The following RUSC2 variants were observed in gnomAD, a reference collection of about 807,000 sequenced individuals.
RUSC2 encodes AP-4 complex accessory subunit RUSC2.
In RUSC2, 34 loss-of-function variants were observed where a neutral mutation model predicts 122.2. That is an observed-to-expected ratio of 0.28 (90% CI 0.21 to 0.37). The LOEUF (loss-of-function observed/expected upper bound fraction) is 0.37. Ranked by LOEUF, RUSC2 falls within the 10% of genes least tolerant of loss-of-function variation. The probability of loss-of-function intolerance (pLI) is 1.00; values close to 1 mark genes in which losing one functional copy is unlikely to be tolerated. For missense variants in RUSC2, 1,747 were observed against 1,952.4 expected (o/e 0.89, Z 1.98); for synonymous variants, 784 against 790.0 (o/e 0.99, Z 0.13).
intron 2 of RUSC2, among the ~76,000 whole-genome samples, chr9:35,552,317 C>A (rs560592701): frequency 6.6e-6 from 1 of 152,124 alleles, no homozygotes; most frequent in African/African-American, 2.4e-5. Context: ...GCTGAGATCA[C>A]GCCACTGCAC....
At chr9:35,532,381 C>T (rs191471144) in intron 1 of RUSC2, among the ~76,000 whole-genome samples, 115 of 152,186 alleles carry the variant, frequency 7.6e-4, no homozygotes, top group Admixed American at 2.2e-3. Flanking sequence ...TAAATATGGG[C>T]CAGGTATTGT....
chr9:35,504,326 G>A (rs770044983), intron 1 of RUSC2, among the ~76,000 whole-genome samples: 1 of 152,016 alleles, frequency 6.6e-6, no homozygotes, highest in Admixed American at 6.6e-5. Context: ...TCTGATAATT[G>A]GTAGCCAAAA....
chr9:35,552,124 G>A lies in RUSC2; in HGVS notation c.2015-2936G>A, dbSNP rs145178546. 1.2e-4 allele frequency among the ~76,000 whole-genome samples: 19 copies of A among 152,324 alleles called. No homozygotes were observed. The East Asian group carries it at 3.7e-3, about 29-fold the overall frequency. Reference sequence around the variant, plus strand: ...GCCTGTAATCCCAGCACTTTGGGAGGCTGAGGTGGGGAAATCATTTGAGGC... The same window carrying A: ...GCCTGTAATCCCAGCACTTTGGGAGACTGAGGTGGGGAAATCATTTGAGGC... On this transcript the variant is annotated intron_variant, in intron 2 of 11. Coordinates refer to ENST00000361226, the MANE Select transcript of RUSC2 (RefSeq NM_014806.5).
At chr9:35,551,341 A>G (rs1821890516) in intron 2 of RUSC2, among the ~76,000 whole-genome samples, 1 of 152,186 alleles carries the variant, frequency 6.6e-6, no homozygotes, top group Non-Finnish European at 1.5e-5. Flanking sequence ...TTAAAACCAT[A>G]AATAATATCT....
intron 2 of RUSC2, chr9:35,549,292 A>AT: frequency 3.3e-6 from 2 of 606,622 alleles, no homozygotes; most frequent in East Asian, 1.9e-4. Flanking sequence ...GCGTCAGTGA[A>AT]GTTTTTTTTT....
At chr9:35,534,742 C>G (rs1459432343) in intron 1 of RUSC2, among the ~76,000 whole-genome samples, 3 of 152,170 alleles carry the variant, frequency 2.0e-5, no homozygotes, top group Non-Finnish European at 2.9e-5. Flanking sequence ...CTTGGCCTCC[C>G]AAAGCTCTGG....
chr9:35,491,806 G>A (rs1465157947), intron 1 of RUSC2, among the ~76,000 whole-genome samples: 1 of 152,094 alleles, frequency 6.6e-6, no homozygotes. Flanking sequence ...AAAAATTACC[G>A]GGCATGGTGG....
intron 1 of RUSC2, among the ~76,000 whole-genome samples, chr9:35,494,651 G>A (rs940421305): frequency 1.4e-4 from 21 of 151,796 alleles, no homozygotes; most frequent in African/African-American, 4.4e-4. Flanking sequence ...GTTGTTTGTC[G>A]TTGAGTTGTA....
intron 1 of RUSC2, among the ~76,000 whole-genome samples, chr9:35,495,634 A>G (rs1820695477): frequency 6.6e-6 from 1 of 151,958 alleles, no homozygotes; most frequent in Non-Finnish European, 1.5e-5. Context: ...CTTTTTCAAG[A>G]TTGTTTTGGT....
At chr9:35,513,549 T>C (rs989822926) in intron 1 of RUSC2, among the ~76,000 whole-genome samples, 5 of 151,598 alleles carry the variant, frequency 3.3e-5, no homozygotes, top group African/African-American at 9.7e-5. Context: ...AACCTGAGAG[T>C]TGTACTTTGT....
rs1301463798 is a variant in RUSC2 at position 35,557,176 on chromosome 9, T to A, written c.2983+728T>A. ...TAAGTGACCACTGAACTAAGAACAT[T>A]TTTAGGGAGATGGAGAGAACTGAGC... On this transcript the variant is annotated intron_variant, in intron 5 of 11. Transcript: ENST00000361226. The surrounding 1 kb of genome is among the most constrained non-coding windows in gnomAD (Gnocchi z 4.6). 6.6e-6 allele frequency among the ~76,000 whole-genome samples: 1 copy of A among 151,882 alleles called. No homozygotes were observed. Among genetic ancestry groups the A allele is most frequent in the East Asian group, 1.9e-4 (1 of 5,182 alleles).
Position 35,555,923 on chromosome 9 carries a change from G to C in RUSC2, c.2657-29G>C. ...GTCTCGCTGTCTCCTGCCAACTCTT[G>C]TCTTTCTGCTAATCTGTTCTGCTTC... On this transcript the variant is annotated intron_variant, in intron 3 of 11. Transcript: ENST00000361226. The surrounding 1 kb of genome is among the most constrained non-coding windows in gnomAD (Gnocchi z 4.6). 1 of 1,603,860 alleles carries C rather than the reference G, an allele frequency of 6.2e-7. No homozygotes were observed. The highest frequency in any genetic ancestry group is 8.5e-7 in the Non-Finnish European group (1 of 1,173,112).
intron 1 of RUSC2, among the ~76,000 whole-genome samples, chr9:35,544,607 C>T (rs1405875691): frequency 1.3e-5 from 2 of 151,936 alleles, no homozygotes; most frequent in South Asian, 2.1e-4. Flanking sequence ...TGCCCAGCCT[C>T]GTATGTCTTT....
At chr9:35,535,478 G>A (rs546925705) in intron 1 of RUSC2, among the ~76,000 whole-genome samples, 33 of 145,546 alleles carry the variant, frequency 2.3e-4, no homozygotes, top group Non-Finnish European at 4.7e-4. Context: ...TCTCTTTCAA[G>A]CCTATTGAGT....
At position 35,558,525 on chromosome 9, in the gene RUSC2, G is replaced by A. The variant is rs767624346; in HGVS notation, c.3299G>A (p.Ser1100Asn). The change falls in exon 8 of 12, where the codon AGT (serine) becomes AAT (asparagine). Residue 1100 changes from serine to asparagine, a missense_variant. Physicochemically the swap from Ser to Asn is conservative, Grantham distance 46. Coordinates refer to ENST00000361226, the MANE Select transcript of RUSC2 (RefSeq NM_014806.5). This position sits in a 1 kb window ranked among gnomAD's most constrained non-coding sequence, Gnocchi z 4.3. ...NKVSQFPELT[S>N]HTMRFNAFIL... The stretch of plus-strand genomic sequence containing the variant: ...GTCAGCCAATTCCCAGAGCTCACCA[G>A]TCATACCATGCGCTTCAACGCCTTC... The A allele has an allele frequency of 1.9e-6, 3 of 1,614,186 alleles. No homozygotes were observed. In the East Asian group the frequency reaches 6.7e-5, roughly 36 times the overall value.
intron 1 of RUSC2, among the ~76,000 whole-genome samples, chr9:35,497,481 C>T (rs1344289070): frequency 1.3e-5 from 2 of 152,124 alleles, no homozygotes; most frequent in African/African-American, 2.4e-5. Context: ...ATAAGAACAT[C>T]ACAATTATGT....
Position 35,555,547 on chromosome 9 carries a change from G to A in RUSC2, c.2502G>A (p.Gln834=). Residue 834 remains glutamine, a synonymous_variant, in exon 3 of 12, where the codon CAG becomes CAA. Transcript: ENST00000361226. The surrounding 1 kb of genome is among the most constrained non-coding windows in gnomAD (Gnocchi z 4.6). ...AVRPATSQQP[Q]KEDQKILTLT... is the part of the protein sequence containing the mutation. ...GGCCTGCCACCTCCCAGCAGCCGCA[G>A]AAGGAGGATCAGAAGATACTGACCT... The A allele has an allele frequency of 6.2e-7, 1 of 1,614,144 alleles. No homozygotes were observed. Among genetic ancestry groups the A allele is most frequent in the East Asian group, 2.2e-5 (1 of 44,884 alleles).
intron 1 of RUSC2, among the ~76,000 whole-genome samples, chr9:35,527,760 G>T (rs1293667767): frequency 6.6e-6 from 1 of 152,076 alleles, no homozygotes; most frequent in East Asian, 1.9e-4. Flanking sequence ...GAATTTTGTT[G>T]ACTTAGATTG....
intron 1 of RUSC2, among the ~76,000 whole-genome samples, chr9:35,523,741 G>A (rs1444611368): frequency 2.6e-5 from 4 of 152,000 alleles, no homozygotes; most frequent in Non-Finnish European, 5.9e-5. Context: ...CTTGAGTCCA[G>A]GAAGTGGAGG....
Sources: allele counts gnomAD v4.1 joint callset (sites outside exome capture counted in the v4.1 genomes callset), GRCh38; gene constraint gnomAD v4.1.1; non-coding constraint Gnocchi (gnomAD v3.1); transcripts MANE v1.5; gene names NCBI Gene and HGNC (gene_info 2026-07-23, HGNC 2026-07-21).